Variants in FAM149A observed in about 807,000 individuals in gnomAD.
FAM149A encodes the protein family with sequence similarity 149 member A.
FAM149A carries 71 observed loss-of-function variants against 78.2 expected under a neutral mutation model. The observed-to-expected ratio is 0.91, with a 90% confidence interval of 0.75 to 1.11. The LOEUF is 1.11. Among genes scored for constraint, FAM149A ranks in the 50% least tolerant of loss-of-function variants. The pLI is 0.00. For synonymous variants in FAM149A, 446 were observed against 410.5 expected, an observed-to-expected ratio of 1.09 and a Z score of -1.04; for missense variants, 1,036 against 971.0, an observed-to-expected ratio of 1.07 and a Z score of -0.89.
intron 1 of FAM149A, among the ~76,000 whole-genome samples, chr4:186,106,848 G>A (rs1018755784): frequency 6.6e-6 from 1 of 152,146 alleles, no homozygotes; most frequent in African/African-American, 2.4e-5. Context: ...TCGGAAGGCT[G>A]AGGCAAGAGG....
chr4:186,158,385 C>G, intron 8 of FAM149A: 1 of 1,202,014 alleles, frequency 8.3e-7, no homozygotes. Context: ...AGGGAGCTCA[C>G]TCAGTGGGCC....
intron 8 of FAM149A, chr4:186,158,905 C>G (rs1323438696): frequency 8.4e-6 from 5 of 595,158 alleles, no homozygotes; most frequent in Non-Finnish European, 1.1e-5. Flanking sequence ...AAATAAACAT[C>G]AGTTTCTATT....
intron 1 of FAM149A, among the ~76,000 whole-genome samples, chr4:186,137,146 A>G (rs2099323726): frequency 6.6e-6 from 1 of 152,144 alleles, no homozygotes; most frequent in Non-Finnish European, 1.5e-5. Context: ...AAATCAGCAA[A>G]TTGGATTTGA....
rs1732780024 is a variant in FAM149A at position 186,144,206 on chromosome 4, C to G, written c.567-4967C>G. On this transcript the variant is annotated intron_variant, in intron 1 of 13. Coordinates refer to ENST00000389354, the MANE Select transcript of FAM149A (RefSeq NM_001367768.3). This position sits in a 1 kb window ranked among gnomAD's most constrained non-coding sequence, Gnocchi z 4.2. The stretch of plus-strand genomic sequence containing the variant: ...ACGGCTTGGCAGTTTCACCAGCTCA[C>G]AGGAGAGCGTCCAGCTGCTCTGCTC... 1 of 152,240 alleles carries G rather than the reference C, an allele frequency of 6.6e-6. No homozygotes were observed. Among genetic ancestry groups the G allele is most frequent in the Non-Finnish European group, 1.5e-5 (1 of 68,072 alleles). The allele number at this position is 152,240 out of a possible 1,614,324, so 9.4% of individuals were successfully genotyped here.
At position 186,164,456 on chromosome 4, in the gene FAM149A, G is replaced by A. The variant is rs1734859164; in HGVS notation, c.1889+823G>A. 1.0e-6 allele frequency: 1 copy of A among 985,400 alleles called. No individual in the cohort carries two copies. Among genetic ancestry groups the A allele is most frequent in the African/African-American group, 1.7e-5 (1 of 57,364 alleles). The allele number at this position is 985,400 out of a possible 1,614,324, so 61.0% of individuals were successfully genotyped here. ...CAGGAGCCGAGCTCAGGAGCGGGCG[G>A]CTGCCAACGCTTACCTGGCACCCAG... On this transcript the variant is annotated intron_variant, in intron 10 of 13. Transcript: ENST00000389354. The surrounding 1 kb of genome is among the most constrained non-coding windows in gnomAD (Gnocchi z 4.0).
intron 13 of FAM149A, chr4:186,169,354 C>T (rs1332490477): frequency 8.1e-6 from 8 of 985,288 alleles, no homozygotes; most frequent in Middle Eastern, 5.2e-4. Context: ...GGCTCAAAGG[C>T]GTGACCTGTG....
rs1732656268 is a variant in FAM149A, at chr4:186,143,148, ACTTTT to A, written c.567-6024_567-6020del. ...TTAAATGACTTTGTGTTCGATTTTT[ACTTTT>A]TTTTTTTTTTTTTTTTTTTTTGAGA... On this transcript the variant is annotated intron_variant, in intron 1 of 13. Coordinates refer to ENST00000389354, the MANE Select transcript of FAM149A (RefSeq NM_001367768.3). Among the ~76,000 whole-genome samples, 11 of 66,082 alleles carry A rather than the reference ACTTTT, an allele frequency of 1.7e-4. No individual in the cohort carries two copies. In the South Asian group the frequency reaches 5.5e-3, roughly 33 times the overall value. 43.4% of individuals were successfully genotyped at this position (66,082 alleles called of 152,430 possible).
At chr4:186,146,406 C>A (rs1401203745) in intron 1 of FAM149A, 1 of 962,486 alleles carries the variant, frequency 1.0e-6, no homozygotes, top group African/African-American at 1.8e-5. Context: ...ACCTCCTGGG[C>A]TCAGCTCTGC....
chr4:186,154,946 G>T, intron 6 of FAM149A: 2 of 983,708 alleles, frequency 2.0e-6, no homozygotes, highest in Non-Finnish European at 1.2e-6. Context: ...TCCTGCCTCT[G>T]TACTAAATTC....
intron 1 of FAM149A, among the ~76,000 whole-genome samples, chr4:186,136,976 T>TTCTCTCTCTCTCTCTCTC (rs70964917): frequency 2.8e-5 from 2 of 72,114 alleles, no homozygotes; most frequent in African/African-American, 6.1e-5. Flanking sequence ...CTCTCTCTCT[T>TTCTCTCTCTCTCTCTCTC]TCTCTCTCTC....
At chr4:186,140,344 C>A (rs755107178) in intron 1 of FAM149A, among the ~76,000 whole-genome samples, 2 of 151,898 alleles carry the variant, frequency 1.3e-5, no homozygotes, top group African/African-American at 4.8e-5. Context: ...GTCACCCAGG[C>A]TGGAGTACTG....
rs767066811 is a variant in FAM149A at position 186,163,562 on chromosome 4, T to C, written c.1818T>C (p.Ser606=). The stretch of plus-strand genomic sequence containing the variant: ...CACCAGTGCCCTGGAGGCTGCCTTC[T>C]CTTGCTTCAGATTCACAGAGACTAA... The change falls in exon 10 of 14, where the codon TCT becomes TCC. Residue 606 remains serine (S), a synonymous_variant. Coordinates refer to ENST00000389354, the MANE Select transcript of FAM149A (RefSeq NM_001367768.3). 24 of 1,614,072 alleles carry C rather than the reference T, an allele frequency of 1.5e-5. No homozygotes were observed. The highest frequency in any genetic ancestry group is 1.9e-5 in the Non-Finnish European group (23 of 1,180,032).
rs2099308255 is a variant in FAM149A at position 186,105,180 on chromosome 4, C to T, written c.104C>T (p.Ala35Val). Residue 35 changes from alanine to valine, a missense_variant, in exon 1 of 14, where the codon GCC (alanine) becomes GTC (valine). Transcript: ENST00000389354. ...TCCTCCAGACCCTCGGGAGGTGCTG[C>T]CGCTGCAGGGTCGGGGGGCTCCAGG... is the stretch of plus-strand genomic sequence containing the variant. 1.6e-6 allele frequency: 2 copies of T among 1,275,772 alleles called. No individual in the cohort carries two copies. Among genetic ancestry groups the T allele is most frequent in the Non-Finnish European group, 2.0e-6 (2 of 983,032 alleles). The allele number at this position is 1,275,772 out of a possible 1,614,324, so 79.0% of individuals were successfully genotyped here.
In FAM149A at chr4:186,114,040, T is replaced by C. The variant is rs1262771513; in HGVS notation, c.566+8398T>C. ...TTGTGTGGGAGTCTAAGTCTCTTTG[T>C]AGGTCACTCAGGACTTGCTTTATGA... On this transcript the variant is annotated intron_variant, in intron 1 of 13. Transcript: ENST00000389354. Among the ~76,000 whole-genome samples, 321 of 131,366 alleles carry C rather than the reference T, an allele frequency of 2.4e-3. 3 individuals are homozygous for C. The highest frequency in any genetic ancestry group is 8.8e-3 in the African/African-American group (304 of 34,408). 86.2% of individuals were successfully genotyped at this position (131,366 alleles called of 152,430 possible).
chr4:186,132,303 C>T, intron 1 of FAM149A: 5 of 818,244 alleles, frequency 6.1e-6, no homozygotes, highest in Non-Finnish European at 7.4e-6. Context: ...GATTTAAAAG[C>T]TACAGTAAAT....
intron 1 of FAM149A, among the ~76,000 whole-genome samples, chr4:186,128,208 C>T (rs190341680): frequency 5.3e-5 from 8 of 152,020 alleles, no homozygotes; most frequent in Non-Finnish European, 1.0e-4. Context: ...AGGCTGGTCT[C>T]GAAATCCCAG....
chr4:186,132,720 T>C (rs1011667049), intron 1 of FAM149A, among the ~76,000 whole-genome samples: 6 of 152,204 alleles, frequency 3.9e-5, no homozygotes, highest in Non-Finnish European at 7.3e-5. Context: ...ATCTGCTCTT[T>C]ATGCAAGATA....
chr4:186,124,229 T>C, intron 1 of FAM149A: 1 of 985,140 alleles, frequency 1.0e-6, no homozygotes, highest in African/African-American at 1.7e-5. Flanking sequence ...GCTTTCGGTT[T>C]CTTGCCATTT....
chr4:186,157,531 G>A, intron 7 of FAM149A, 34 bp from the exon 8 acceptor site: 1 of 1,599,450 alleles, frequency 6.3e-7, no homozygotes, highest in Non-Finnish European at 8.6e-7. Context: ...ATAATCTGAT[G>A]TTTCTTGTAA....
Sources: gnomAD v4.1 joint callset for allele counts (sites outside exome capture counted in the v4.1 genomes callset) on GRCh38, gnomAD v4.1.1 for gene constraint, Gnocchi (gnomAD v3.1) non-coding constraint, MANE v1.5 for transcripts, NCBI Gene and HGNC (gene_info 2026-07-23, HGNC 2026-07-21) for gene names.